JARID2: variants seen among roughly 807,000 people sequenced by gnomAD.
JARID2 encodes the protein protein Jumonji.
A neutral mutation model predicts 125.6 loss-of-function variants in JARID2; 21 were observed. That is an observed-to-expected ratio of 0.17 (90% CI 0.12 to 0.24). JARID2 has a LOEUF of 0.24. Ranked by LOEUF, JARID2 falls within the 10% of genes least tolerant of loss-of-function variation. The probability of loss-of-function intolerance (pLI) is 1.00; values close to 1 mark genes in which losing one functional copy is unlikely to be tolerated. For synonymous variants in JARID2, 736 were observed against 661.6 expected (o/e 1.11, Z -1.73); for missense variants, 1,303 against 1,639.6 (o/e 0.79, Z 3.55).
chr6:15,308,678 C>T (rs764474791), intron 1 of JARID2, among the ~76,000 whole-genome samples: 12 of 152,110 alleles, frequency 7.9e-5, no homozygotes, highest in Admixed American at 1.3e-4. Flanking sequence ...GTATTTGTTA[C>T]TGTGAGAGCC....
chr6:15,418,837 C>G (rs1766356256), intron 3 of JARID2, among the ~76,000 whole-genome samples: 1 of 152,176 alleles, frequency 6.6e-6, no homozygotes, highest in African/African-American at 2.4e-5. Flanking sequence ...AGAATTCTCT[C>G]AGGCTTTTAA....
intron 6 of JARID2, among the ~76,000 whole-genome samples, chr6:15,489,657 C>T (rs1011042518): frequency 1.3e-5 from 2 of 152,236 alleles, no homozygotes; most frequent in African/African-American, 2.4e-5. Context: ...ATGGCGTGTT[C>T]GTGTGACCTG....
intron 1 of JARID2, chr6:15,369,357 G>A: frequency 2.4e-6 from 1 of 420,946 alleles, no homozygotes; most frequent in Non-Finnish European, 4.8e-6. Flanking sequence ...CTGACCAATT[G>A]CTCTTTTTGA....
chr6:15,498,586 A>G lies in JARID2; in HGVS notation c.1945+1416A>G, dbSNP rs534963717. ...CACACCTCCATTTTGGAGATCCTCA[A>G]TTTTCAAAGGCATGGAGACGTGTAG... is the stretch of plus-strand genomic sequence containing the variant. On this transcript the variant is annotated intron_variant, in intron 7 of 17. Coordinates refer to ENST00000341776, the MANE Select transcript of JARID2 (RefSeq NM_004973.4). 3.6e-4 allele frequency among the ~76,000 whole-genome samples: 55 copies of G among 152,256 alleles called. No homozygotes were observed. The South Asian group carries it at 5.6e-3, about 15-fold the overall frequency.
intron 1 of JARID2, among the ~76,000 whole-genome samples, chr6:15,320,548 T>C (rs1417057232): frequency 6.6e-6 from 1 of 152,194 alleles, no homozygotes; most frequent in Non-Finnish European, 1.5e-5. Context: ...TTGTAGTTTA[T>C]TTTGAAACCT....
At chr6:15,416,186 C>G (rs1315806878) in intron 3 of JARID2, among the ~76,000 whole-genome samples, 3 of 151,210 alleles carry the variant, frequency 2.0e-5, no homozygotes, top group Non-Finnish European at 4.4e-5. Flanking sequence ...CGGGCAGAGA[C>G]GCTCCTCACT....
Position 15,452,099 on chromosome 6 carries a change from T to C in JARID2, c.417T>C (p.Pro139=). The change falls in exon 4 of 18, where the codon CCT becomes CCC. Residue 139 remains proline (P), a synonymous_variant. Coordinates refer to ENST00000341776, the MANE Select transcript of JARID2 (RefSeq NM_004973.4). ...AGATAGTGGAGCCATTGCTACCCCC[T>C]CCAGCTACTCAGATATCAGACCTCT... ...PVKIVEPLLP[P]PATQISDLSK... 1 of 1,614,076 alleles carries C rather than the reference T, an allele frequency of 6.2e-7. No homozygotes were observed. Among genetic ancestry groups the C allele is most frequent in the Non-Finnish European group, 8.5e-7 (1 of 1,180,018 alleles).
intron 1 of JARID2, among the ~76,000 whole-genome samples, chr6:15,362,791 A>G (rs573483614): frequency 6.6e-6 from 1 of 152,328 alleles, no homozygotes; most frequent in East Asian, 1.9e-4. Context: ...TTGGTGGTAG[A>G]GACATTTTAG....
intron 1 of JARID2, among the ~76,000 whole-genome samples, chr6:15,288,328 C>A (rs188687083): frequency 6.6e-6 from 1 of 151,924 alleles, no homozygotes; most frequent in African/African-American, 2.4e-5. Context: ...AGGGGAGATG[C>A]CACACAATTT....
In JARID2 at chr6:15,410,582, G is replaced by A. The variant is rs115710425; in HGVS notation, c.323+217G>A. ...GAAAAAAAAGTGCTCTGGACTGACA[G>A]CACATGTTCCTGCTGGAACAGTTAG... On this transcript the variant is annotated intron_variant, in intron 3 of 17. Coordinates refer to ENST00000341776, the MANE Select transcript of JARID2 (RefSeq NM_004973.4). Among the ~76,000 whole-genome samples the A allele has an allele frequency of 4.1e-3, 626 of 152,294 alleles. 5 individuals carry two copies. The highest frequency in any genetic ancestry group is 6.5e-3 in the Non-Finnish European group (445 of 68,034).
chr6:15,248,075 T>C, intron 1 of JARID2: 1 of 985,156 alleles, frequency 1.0e-6, no homozygotes, highest in Non-Finnish European at 1.2e-6. Context: ...TTTTCTTTCT[T>C]ATTGCGGGCG....
chr6:15,409,142 CTG>C (rs1187405918), intron 2 of JARID2, among the ~76,000 whole-genome samples: 6 of 152,148 alleles, frequency 3.9e-5, no homozygotes, highest in Admixed American at 3.9e-4. Context: ...ACATAGAACA[CTG>C]TGTTCTACAT....
At chr6:15,497,650 C>A (rs1289759491) in intron 7 of JARID2, among the ~76,000 whole-genome samples, 99 of 133,402 alleles carry the variant, frequency 7.4e-4, no homozygotes, top group Admixed American at 7.4e-4. Flanking sequence ...GATTCCGTCT[C>A]AAAAAAAAAA....
At chr6:15,494,601 G>A (rs1331552591) in intron 6 of JARID2, among the ~76,000 whole-genome samples, 1 of 151,916 alleles carries the variant, frequency 6.6e-6, no homozygotes, top group Non-Finnish European at 1.5e-5. Flanking sequence ...GTAGAGACGG[G>A]GTTTCACCGT....
intron 1 of JARID2, chr6:15,247,978 CA>C (rs758999230): frequency 1.2e-4 from 114 of 985,450 alleles, no homozygotes; most frequent in Non-Finnish European, 1.3e-4. Context: ...GATGCAGCCA[CA>C]AAGCAAATGG....
intron 9 of JARID2, chr6:15,505,396 C>G (rs2127752524): frequency 6.8e-6 from 1 of 146,450 alleles, no homozygotes; most frequent in Non-Finnish European, 1.5e-5. Context: ...CAAATAAAAT[C>G]CAAGGTCGGT....
At chr6:15,405,016 T>G (rs1394780133) in intron 2 of JARID2, among the ~76,000 whole-genome samples, 3 of 152,236 alleles carry the variant, frequency 2.0e-5, no homozygotes, top group Non-Finnish European at 2.9e-5. Flanking sequence ...AGAGTTGTCT[T>G]CTGTCCATAC....
At position 15,453,154 on chromosome 6, in the gene JARID2, G is replaced by GC. The variant is rs543052417; in HGVS notation, c.493+984dup. Among the ~76,000 whole-genome samples, 32 of 152,194 alleles carry GC rather than the reference G, an allele frequency of 2.1e-4. No homozygotes were observed. In the South Asian group the frequency reaches 6.0e-3, roughly 29 times the overall value. ...GTTAAGAAGTTCACAGTGATACGTG[G>GC]CCCCCATGCAGTCCTCAAACCTCTG... is the stretch of plus-strand genomic sequence containing the variant. On this transcript the variant is annotated intron_variant, in intron 4 of 17. Transcript: ENST00000341776.
chr6:15,288,116 C>T (rs1481363732), intron 1 of JARID2, among the ~76,000 whole-genome samples: 2 of 152,152 alleles, frequency 1.3e-5, no homozygotes, highest in South Asian at 2.1e-4. Context: ...CATATTAGGC[C>T]ATTCTTGGAT....
Sources: gnomAD v4.1 joint callset for allele counts (sites outside exome capture counted in the v4.1 genomes callset) on GRCh38, gnomAD v4.1.1 for gene constraint, MANE v1.5 for transcripts, NCBI Gene and HGNC (gene_info 2026-07-23, HGNC 2026-07-21) for gene names.